Variants in TMEM184B observed in about 807,000 individuals in gnomAD.
The protein encoded by TMEM184B is transmembrane protein 184B.
In TMEM184B, 17 loss-of-function variants were observed where a neutral mutation model predicts 41.8. The ratio of observed to expected loss-of-function variants is 0.41; its 90% CI spans 0.28 to 0.61. The LOEUF (loss-of-function observed/expected upper bound fraction) is 0.61, where lower values mean the gene tolerates loss of function less well. Ranked by LOEUF, TMEM184B falls within the 20% of genes least tolerant of loss-of-function variation. TMEM184B has a pLI of 0.34. For missense variants in TMEM184B, 393 were observed against 557.8 expected (o/e 0.70, Z 2.98); for synonymous variants, 240 against 229.5 (o/e 1.05, Z -0.41).
intron 1 of TMEM184B, among the ~76,000 whole-genome samples, chr22:38,267,345 C>T (rs1183951162): frequency 6.6e-6 from 1 of 152,116 alleles, no homozygotes; most frequent in Admixed American, 6.6e-5. Flanking sequence ...AGGCCTAAGA[C>T]CTCCCACACC....
intron 1 of TMEM184B, among the ~76,000 whole-genome samples, chr22:38,260,458 A>G (rs1365269186): frequency 2.0e-5 from 3 of 152,130 alleles, no homozygotes; most frequent in Non-Finnish European, 4.4e-5. Flanking sequence ...ATTTGCCCAC[A>G]ATCACCTGAC....
At chr22:38,222,142 C>CG (rs1355558099) in intron 8 of TMEM184B, 1 of 205,976 alleles carries the variant, frequency 4.9e-6, no homozygotes, top group African/African-American at 2.3e-5. Context: ...CCCCCACCAC[C>CG]GGGGGAAGTG....
chr22:38,245,897 C>T (rs1170771736), intron 3 of TMEM184B, 38 bp downstream of exon 3: 10 of 1,218,718 alleles, frequency 8.2e-6, no homozygotes, highest in Non-Finnish European at 1.0e-5. Flanking sequence ...AGCCCCCCAG[C>T]CCCCCGCCAG....
At chr22:38,245,547 C>G (rs34361027) in intron 3 of TMEM184B, among the ~76,000 whole-genome samples, 1 of 140,458 alleles carries the variant, frequency 7.1e-6, no homozygotes, top group African/African-American at 2.7e-5. Flanking sequence ...AGGGGGAGGG[C>G]CCTTGCTTCC....
At chr22:38,231,766 A>C in intron 3 of TMEM184B, 1 of 354,770 alleles carries the variant, frequency 2.8e-6, no homozygotes, top group Non-Finnish European at 5.5e-6. Context: ...CTGCTGCGGC[A>C]GGAGGACGTC....
downstream of TMEM184B, among the ~76,000 whole-genome samples, chr22:38,218,251 C>G (rs1261042708): frequency 6.6e-6 from 1 of 152,182 alleles, no homozygotes; most frequent in Admixed American, 6.5e-5. Context: ...TCTGCCAGCC[C>G]TTCTGGGGCA....
intron 3 of TMEM184B, among the ~76,000 whole-genome samples, chr22:38,245,331 G>A (rs1023482111): frequency 5.3e-5 from 8 of 150,852 alleles, no homozygotes; most frequent in South Asian, 2.1e-4. Flanking sequence ...TGCCTGAGAC[G>A]CCAGCATTGA....
At chr22:38,249,597 G>A (rs1014943533) in intron 1 of TMEM184B, among the ~76,000 whole-genome samples, 1 of 152,280 alleles carries the variant, frequency 6.6e-6, no homozygotes. Flanking sequence ...ACCACATGAG[G>A]ACACAGGGAG....
At chr22:38,237,167 T>C (rs1349649218) in intron 3 of TMEM184B, among the ~76,000 whole-genome samples, 1 of 151,748 alleles carries the variant, frequency 6.6e-6, no homozygotes, top group Non-Finnish European at 1.5e-5. Context: ...CATGTTCACA[T>C]CCCCCCGCAA....
chr22:38,242,780 T>C (rs972545885), intron 3 of TMEM184B, among the ~76,000 whole-genome samples: 7 of 151,848 alleles, frequency 4.6e-5, no homozygotes, highest in Non-Finnish European at 7.4e-5. Flanking sequence ...GCTGGTGAAC[T>C]TGGCCAGGCA....
chr22:38,220,247 C>T lies in TMEM184B; in HGVS notation c.*1222G>A. On this transcript the variant is annotated 3_prime_UTR_variant, in exon 9 of 9. Transcript: ENST00000361906. ...AGAGGAGGGGCTTGGTGGTCCTGAC[C>T]ACTCCTGAGGCCTGTCCAAGGGCTC... 1.0e-6 allele frequency: 1 copy of T among 985,992 alleles called. No individual in the cohort carries two copies. The allele number at this position is 985,992 out of a possible 1,614,324, so 61.1% of individuals were successfully genotyped here. A position where few individuals can be genotyped will look rare whatever the true frequency, so the allele number is the denominator to read the frequency against.
At position 38,241,166 on chromosome 22, in the gene TMEM184B, C is replaced by T. The variant is rs758561324; in HGVS notation, c.358+4769G>A. ...AAAGCAGGCATTCCTGACTGCAGCACAGGGAGAAGGCACCAGGAGAAGCGT... is the reference window on the plus strand; with the variant it reads ...AAAGCAGGCATTCCTGACTGCAGCATAGGGAGAAGGCACCAGGAGAAGCGT... On this transcript the variant is annotated intron_variant, in intron 3 of 8. Coordinates refer to ENST00000361906, the MANE Select transcript of TMEM184B (RefSeq NM_012264.5). 6.1e-4 allele frequency among the ~76,000 whole-genome samples: 93 copies of T among 152,160 alleles called. 2 individuals are homozygous for T. The highest frequency in any genetic ancestry group is 1.3e-4 in the Non-Finnish European group (9 of 68,038).
intron 1 of TMEM184B, among the ~76,000 whole-genome samples, chr22:38,258,565 T>G (rs967759299): frequency 2.0e-5 from 3 of 151,926 alleles, no homozygotes; most frequent in African/African-American, 7.3e-5. Context: ...CTCCCAAAGC[T>G]CTGGGATTAT....
At position 38,221,525 on chromosome 22, in the gene TMEM184B, TGAGGCTGTGGGAGCGGGA is replaced by T. The variant is rs1178081241; in HGVS notation, c.1150_1167del (p.Arg385_Ser390del). ...GTCTTCTCGTTGTCGCGGGCGCCAC[TGAGGCTGTGGGAGCGGGA>T]GAGGCCGTGGGCGCCACCACGCCAG... On this transcript the variant is annotated inframe_deletion, in exon 9 of 9. Coordinates refer to ENST00000361906, the MANE Select transcript of TMEM184B (RefSeq NM_012264.5). 2 of 1,613,650 alleles carry T rather than the reference TGAGGCTGTGGGAGCGGGA, an allele frequency of 1.2e-6. No individual in the cohort carries two copies. The highest frequency in any genetic ancestry group is 1.7e-6 in the Non-Finnish European group (2 of 1,179,886).
chr22:38,256,244 A>C, intron 1 of TMEM184B, among the ~76,000 whole-genome samples: 1 of 148,214 alleles, frequency 6.7e-6, no homozygotes, highest in African/African-American at 2.5e-5. Context: ...TTGGAGTCTC[A>C]CTCTGTCACC....
rs34060428 is a variant in TMEM184B at position 38,241,883 on chromosome 22, CAA to C, written c.358+4050_358+4051del. Among the ~76,000 whole-genome samples the C allele has an allele frequency of 1.3e-3, 42 of 32,604 alleles. No individual in the cohort carries two copies. The South Asian group carries it at 0.019, about 15-fold the overall frequency. The allele number at this position is 32,604 out of a possible 152,430, so 21.4% of individuals were successfully genotyped here. A position where few individuals can be genotyped will look rare whatever the true frequency, so the allele number is the denominator to read the frequency against. On this transcript the variant is annotated intron_variant, in intron 3 of 8. Transcript: ENST00000361906. ...TGGGTGACAGAGCGAGACTCCGTCT[CAA>C]AAAAAAAAAAAAAAAAAAAAAAGAA...
At chr22:38,261,029 A>G (rs2092361787) in intron 1 of TMEM184B, among the ~76,000 whole-genome samples, 1 of 151,840 alleles carries the variant, frequency 6.6e-6, no homozygotes, top group Non-Finnish European at 1.5e-5. Context: ...TCTTACCATA[A>G]CTCGCTGGTT....
intron 8 of TMEM184B, chr22:38,222,074 T>C (rs2091276634): frequency 8.2e-6 from 2 of 243,212 alleles, no homozygotes; most frequent in Non-Finnish European, 1.6e-5. Context: ...AGTTGGGGCA[T>C]GTGGGGCCAG....
Position 38,255,335 on chromosome 22 carries a change from T to C in TMEM184B, c.-58-7316A>G, listed in dbSNP as rs559997296. Among the ~76,000 whole-genome samples the C allele has an allele frequency of 2.2e-4, 34 of 151,794 alleles. No homozygotes were observed. In the South Asian group the frequency reaches 7.1e-3, roughly 32 times the overall value. Reference sequence around the variant, plus strand: ...CACCGCACCCGGCCTCATGGCCGGCTAATTTTTTTTGTATTTTTAGTAGTG... The same window carrying C: ...CACCGCACCCGGCCTCATGGCCGGCCAATTTTTTTTGTATTTTTAGTAGTG... On this transcript the variant is annotated intron_variant, in intron 1 of 8. Coordinates refer to ENST00000361906, the MANE Select transcript of TMEM184B (RefSeq NM_012264.5).
Sources: allele counts gnomAD v4.1 joint callset (sites outside exome capture counted in the v4.1 genomes callset), GRCh38; gene constraint gnomAD v4.1.1; transcripts MANE v1.5; gene names NCBI Gene and HGNC (gene_info 2026-07-23, HGNC 2026-07-21).